Variants in SLC4A4 observed in about 807,000 individuals in gnomAD.
SLC4A4 encodes the protein electrogenic sodium bicarbonate cotransporter 1.
Under a neutral mutation model 111.5 loss-of-function variants are expected in SLC4A4, and 27 were observed. That is an observed-to-expected ratio of 0.24 (90% CI 0.18 to 0.33). The LOEUF (loss-of-function observed/expected upper bound fraction) is 0.33, where lower values mean the gene tolerates loss of function less well. Among genes scored for constraint, SLC4A4 ranks in the 10% least tolerant of loss-of-function variants. The pLI, the probability that SLC4A4 is intolerant of heterozygous loss-of-function variation, is 1.00. For missense variants in SLC4A4, 909 were observed against 1,315.5 expected (o/e 0.69, Z 4.78); for synonymous variants, 443 against 463.4 (o/e 0.96, Z 0.57).
Position 71,109,823 on chromosome 4 carries a change from A to G in SLC4A4, c.-2+17031A>G, listed in dbSNP as rs575810985. On this transcript the variant is annotated intron_variant, in intron 2 of 26. Coordinates refer to the SLC4A4 transcript ENST00000649996. ...CTCCCGAAGTGCTGGGATTATAGAC[A>G]TGAGCCACCACACCCGGCAATTTTT... is the stretch of plus-strand genomic sequence containing the variant. 2.0e-5 allele frequency among the ~76,000 whole-genome samples: 3 copies of G among 152,222 alleles called. No homozygotes were observed. In the East Asian group the frequency reaches 5.8e-4, roughly 30 times the overall value.
chr4:71,391,172 C>T (rs1448348611), intron 6 of SLC4A4, among the ~76,000 whole-genome samples: 2 of 152,040 alleles, frequency 1.3e-5, no homozygotes, highest in African/African-American at 4.8e-5. Flanking sequence ...TCCAAATATT[C>T]TGACAAGAAC....
At chr4:71,063,441 A>T (rs1489272537) in intron 1 of SLC4A4, among the ~76,000 whole-genome samples, 1 of 152,156 alleles carries the variant, frequency 6.6e-6, no homozygotes, top group African/African-American at 2.4e-5. Context: ...TTGTTAAATT[A>T]TCATTCTCTC....
At chr4:71,304,662 C>T (rs1004581229) in intron 3 of SLC4A4, among the ~76,000 whole-genome samples, 13 of 152,110 alleles carry the variant, frequency 8.5e-5, no homozygotes, top group Non-Finnish European at 1.6e-4. Context: ...GGAACTATAC[C>T]TTAGTGTGGA....
At chr4:71,253,928 AAT>A (rs1721257252) in intron 2 of SLC4A4, among the ~76,000 whole-genome samples, 1 of 152,188 alleles carries the variant, frequency 6.6e-6, no homozygotes, top group Non-Finnish European at 1.5e-5. Flanking sequence ...GCTTAGCTGG[AAT>A]ATCTTTCCTG....
In SLC4A4 at chr4:71,293,082, C is replaced by T. The variant is rs1724501857; in HGVS notation, c.253+37683C>T. On this transcript the variant is annotated intron_variant, in intron 3 of 25. Transcript: ENST00000264485. ...GGTCTTGAACTCCTGACCTTGTGAT[C>T]CACCCGCTTCGGCCTCCCAAAGTGC... Among the ~76,000 whole-genome samples, 5 of 149,886 alleles carry T rather than the reference C, an allele frequency of 3.3e-5. No individual in the cohort carries two copies. In the South Asian group the frequency reaches 1.1e-3, roughly 32 times the overall value.
intron 2 of SLC4A4, among the ~76,000 whole-genome samples, chr4:71,130,296 CAT>C (rs1476811616): frequency 1.3e-5 from 2 of 151,994 alleles, no homozygotes; most frequent in African/African-American, 4.8e-5. Flanking sequence ...GTAGCACAAT[CAT>C]AGTTCACTGC....
chr4:71,256,952 A>C (rs1267813342), intron 3 of SLC4A4, among the ~76,000 whole-genome samples: 1 of 152,164 alleles, frequency 6.6e-6, no homozygotes, highest in Admixed American at 6.6e-5. Context: ...CATCACTATT[A>C]ATGTTAAAAA....
intron 16 of SLC4A4, among the ~76,000 whole-genome samples, chr4:71,506,225 A>G (rs1578067200): frequency 6.6e-6 from 1 of 152,096 alleles, no homozygotes; most frequent in Non-Finnish European, 1.5e-5. Flanking sequence ...TGTGAAGAAT[A>G]TCAATAGTAT....
intron 6 of SLC4A4, among the ~76,000 whole-genome samples, chr4:71,378,230 G>A (rs1173962900): frequency 6.6e-6 from 1 of 152,146 alleles, no homozygotes; most frequent in Non-Finnish European, 1.5e-5. Flanking sequence ...CCCTGAAGGT[G>A]GAGATTCAGA....
At chr4:71,475,194 C>T (rs1164559213) in intron 14 of SLC4A4, among the ~76,000 whole-genome samples, 1 of 151,658 alleles carries the variant, frequency 6.6e-6, no homozygotes, top group East Asian at 2.0e-4. Context: ...ATTCATGAAG[C>T]CAGATGTGGG....
At chr4:71,431,448 G>A (rs1723638314) in intron 7 of SLC4A4, among the ~76,000 whole-genome samples, 1 of 152,110 alleles carries the variant, frequency 6.6e-6, no homozygotes, top group Admixed American at 6.6e-5. Context: ...TGGTGTGTCT[G>A]AAGGAGGACA....
intron 1 of SLC4A4, among the ~76,000 whole-genome samples, chr4:71,193,796 G>T (rs535380583): frequency 7.9e-5 from 12 of 152,224 alleles, no homozygotes; most frequent in African/African-American, 2.9e-4. Context: ...AAGTAACGAA[G>T]ATTTTAATAC....
chr4:71,276,290 A>G (rs1478885687), intron 3 of SLC4A4, among the ~76,000 whole-genome samples: 1 of 152,232 alleles, frequency 6.6e-6, no homozygotes, highest in Non-Finnish European at 1.5e-5. Context: ...GGAAACTGAC[A>G]TTGGTACGAT....
chr4:71,331,145 G>A lies in SLC4A4; in HGVS notation c.254-8225G>A, dbSNP rs868238956. On this transcript the variant is annotated intron_variant, in intron 3 of 25. Transcript: ENST00000264485. Reference sequence around the variant, plus strand: ...TACACTGTTGGTGGGACTGTAAACTGGTTCAACCATTGTGGAAGACAGTGT... The same window carrying A: ...TACACTGTTGGTGGGACTGTAAACTAGTTCAACCATTGTGGAAGACAGTGT... Among the ~76,000 whole-genome samples, 52 of 152,054 alleles carry A rather than the reference G, an allele frequency of 3.4e-4. No homozygotes were observed. In the Middle Eastern group the frequency reaches 0.01, roughly 30 times the overall value.
chr4:71,112,156 G>T (rs901805492), intron 2 of SLC4A4, among the ~76,000 whole-genome samples: 4 of 152,216 alleles, frequency 2.6e-5, no homozygotes, highest in African/African-American at 9.6e-5. Context: ...TATGGCACCA[G>T]ATTTCTGCAA....
intron 4 of SLC4A4, among the ~76,000 whole-genome samples, chr4:71,349,547 C>T (rs1729626164): frequency 6.6e-6 from 1 of 152,302 alleles, no homozygotes; most frequent in African/African-American, 2.4e-5. Context: ...TTTTTATGCA[C>T]TGTAGGCTGT....
intron 3 of SLC4A4, among the ~76,000 whole-genome samples, chr4:71,335,403 C>A (rs1372104417): frequency 6.6e-6 from 1 of 152,160 alleles, no homozygotes; most frequent in African/African-American, 2.4e-5. Flanking sequence ...TTCTGCCTGT[C>A]ATTTCTTCAT....
chr4:71,319,108 A>C (rs1298840974), intron 3 of SLC4A4, among the ~76,000 whole-genome samples: 1 of 152,018 alleles, frequency 6.6e-6, no homozygotes, highest in Non-Finnish European at 1.5e-5. Context: ...ACTTAAATGG[A>C]TATCAATAGG....
intron 3 of SLC4A4, among the ~76,000 whole-genome samples, chr4:71,279,236 C>T (rs28878485): frequency 0.025 from 3,874 of 152,230 alleles, 173 homozygotes; most frequent in African/African-American, 0.086. Context: ...CCCATTCTTC[C>T]CACCCATCCC....
Sources: gnomAD v4.1 joint callset for allele counts (sites outside exome capture counted in the v4.1 genomes callset) on GRCh38, gnomAD v4.1.1 for gene constraint, MANE v1.5 for transcripts, NCBI Gene and HGNC (gene_info 2026-07-23, HGNC 2026-07-21) for gene names.